Variants in IRAK2 observed in about 807,000 individuals in gnomAD.
The protein encoded by IRAK2 is interleukin 1 receptor associated kinase 2, also known as interleukin-1 receptor-associated kinase-like 2.
A neutral mutation model predicts 72.0 loss-of-function variants in IRAK2; 57 were observed. The ratio of observed to expected loss-of-function variants is 0.79; its 90% CI spans 0.64 to 0.99. The LOEUF (loss-of-function observed/expected upper bound fraction) is 0.99, where lower values mean the gene tolerates loss of function less well. IRAK2 is among the 50% of genes least tolerant of loss of function. The pLI is 0.00. For missense variants in IRAK2, 790 were observed against 794.4 expected (o/e 0.99, Z 0.07); for synonymous variants, 293 against 312.7 (o/e 0.94, Z 0.67).
chr3:10,225,199 G>A (rs979089091), intron 9 of IRAK2, among the ~76,000 whole-genome samples: 1 of 152,114 alleles, frequency 6.6e-6, no homozygotes, highest in Non-Finnish European at 1.5e-5. Flanking sequence ...CTATAAATGT[G>A]ACCCTATTCT....
intron 6 of IRAK2, among the ~76,000 whole-genome samples, chr3:10,214,978 C>T (rs534179342): frequency 1.1e-4 from 17 of 152,072 alleles, no homozygotes; most frequent in African/African-American, 3.4e-4. Context: ...CCTGCAGTCC[C>T]AGCTACTCAG....
At position 10,213,249 on chromosome 3, in the gene IRAK2, T is replaced by G. The variant is rs1322439618; in HGVS notation, c.571T>G (p.Leu191Val). ...SIPKQEKLLS[L>V]AGDSLFWSEA... The stretch of plus-strand genomic sequence containing the variant: ...TCCTAAGCAGGAAAAACTTTTGAGC[T>G]TGGCTGGAGACAGCCTTTTCTGGAG... Residue 191 changes from leucine (L) to valine (V), a missense_variant, in exon 5 of 13, where the codon TTG becomes GTG. Transcript: ENST00000256458. 1 of 1,614,166 alleles carries G rather than the reference T, an allele frequency of 6.2e-7. No individual in the cohort carries two copies. The highest frequency in any genetic ancestry group is 1.7e-5 in the Admixed American group (1 of 60,012).
intron 9 of IRAK2, among the ~76,000 whole-genome samples, chr3:10,224,916 G>GT (rs1318902689): frequency 6.6e-6 from 1 of 150,686 alleles, no homozygotes; most frequent in African/African-American, 2.4e-5. Flanking sequence ...ATTGCTCAGT[G>GT]TTTTTTGGTG....
At chr3:10,235,941 G>A (rs1697950663) in intron 11 of IRAK2, among the ~76,000 whole-genome samples, 2 of 152,240 alleles carry the variant, frequency 1.3e-5, no homozygotes, top group South Asian at 2.1e-4. Flanking sequence ...CATGTGCCCC[G>A]ATGTTCAGTC....
intron 2 of IRAK2, among the ~76,000 whole-genome samples, chr3:10,187,490 A>C (rs1697095439): frequency 6.6e-6 from 1 of 152,224 alleles, no homozygotes; most frequent in Non-Finnish European, 1.5e-5. Flanking sequence ...GGGCATCTGC[A>C]GTAGCAGATC....
intron 8 of IRAK2, among the ~76,000 whole-genome samples, chr3:10,221,995 C>A (rs1328049470): frequency 2.0e-5 from 3 of 152,082 alleles, no homozygotes; most frequent in African/African-American, 7.2e-5. Context: ...TCAAGCAATT[C>A]TCCTGCCTCA....
rs565683337 is a variant in IRAK2 at position 10,200,240 on chromosome 3, G to T, written c.278-129G>T. 3 of 779,644 alleles carry T rather than the reference G, an allele frequency of 3.8e-6. No homozygotes were observed. In the East Asian group the frequency reaches 7.9e-5, roughly 21 times the overall value. 48.3% of individuals were successfully genotyped at this position (779,644 alleles called of 1,614,324 possible). A position where few individuals can be genotyped will look rare whatever the true frequency, so the allele number is the denominator to read the frequency against. On this transcript the variant is annotated intron_variant, in intron 2 of 12. Transcript: ENST00000256458. ...GGGCCAGAAAGGGAAAGACCCTCCC[G>T]CCCTGCAACACCATGCATTTGTGGC... is the stretch of plus-strand genomic sequence containing the variant.
intron 2 of IRAK2, among the ~76,000 whole-genome samples, chr3:10,178,459 AG>A (rs1381869733): frequency 8.6e-5 from 13 of 151,566 alleles, no homozygotes; most frequent in Admixed American, 3.9e-4. Context: ...TGTCTCCAAA[AG>A]AAAAAAAAAA....
chr3:10,213,102 G>A, intron 4 of IRAK2, 105 bp from the exon 5 acceptor site: 1 of 947,876 alleles, frequency 1.1e-6, no homozygotes, highest in South Asian at 1.6e-5. Flanking sequence ...CATTGGATAA[G>A]TTGATCCCCT....
At chr3:10,213,917 T>G (rs1023681690) in intron 6 of IRAK2, among the ~76,000 whole-genome samples, 1 of 152,070 alleles carries the variant, frequency 6.6e-6, no homozygotes, top group African/African-American at 2.4e-5. Context: ...CTCCTTTTTT[T>G]TTTTCTTTTC....
chr3:10,236,394 C>G (rs1166718216), intron 11 of IRAK2, among the ~76,000 whole-genome samples: 1 of 138,062 alleles, frequency 7.2e-6, no homozygotes, highest in African/African-American at 2.7e-5. Context: ...TTCACCCAGG[C>G]TACAGTGTAG....
At chr3:10,222,520 G>C in intron 8 of IRAK2, 116 bp from the exon 9 acceptor site, 1 of 802,214 alleles carries the variant, frequency 1.2e-6, no homozygotes, top group Non-Finnish European at 2.1e-6. Context: ...AGGGTCTTTA[G>C]AGACCTCAAC....
intron 2 of IRAK2, among the ~76,000 whole-genome samples, chr3:10,199,834 A>G (rs1697327055): frequency 6.6e-6 from 1 of 150,720 alleles, no homozygotes; most frequent in East Asian, 1.9e-4. Flanking sequence ...TATGTGACTT[A>G]GCACGTCAGA....
At chr3:10,221,316 C>T (rs1417948446) in intron 8 of IRAK2, among the ~76,000 whole-genome samples, 2 of 139,084 alleles carry the variant, frequency 1.4e-5, no homozygotes, top group African/African-American at 5.5e-5. Flanking sequence ...TGCAGTGGCA[C>T]AATCTCTGTT....
chr3:10,223,446 G>A (rs1697726503), intron 9 of IRAK2, among the ~76,000 whole-genome samples: 1 of 152,138 alleles, frequency 6.6e-6, no homozygotes, highest in Non-Finnish European at 1.5e-5. Flanking sequence ...TGGTCTGCAT[G>A]TAGCAGTCTC....
chr3:10,232,556 G>A (rs1335550419), intron 10 of IRAK2, among the ~76,000 whole-genome samples: 1 of 152,066 alleles, frequency 6.6e-6, no homozygotes, highest in African/African-American at 2.4e-5. Flanking sequence ...TCCTTTCATC[G>A]CGTGTTCTCA....
At chr3:10,181,183 C>G (rs1008789990) in intron 2 of IRAK2, among the ~76,000 whole-genome samples, 1 of 152,180 alleles carries the variant, frequency 6.6e-6, no homozygotes, top group African/African-American at 2.4e-5. Flanking sequence ...GCCCAGGCCA[C>G]AGCCTCCCCA....
rs1432699807 is a variant in IRAK2, at chr3:10,178,148, TTACCA to T, written c.277+130_277+134del. On this transcript the variant is annotated intron_variant, in intron 2 of 12. Coordinates refer to ENST00000256458, the MANE Select transcript of IRAK2 (RefSeq NM_001570.4). ...TAATTAAAAAATTTAATGAGTGAGT[TTACCA>T]TGCACATAAGAAACTGGTAACAGGC... 5 of 779,708 alleles carry T rather than the reference TTACCA, an allele frequency of 6.4e-6. No individual in the cohort carries two copies. The East Asian group carries it at 1.4e-4, about 21-fold the overall frequency. The allele number at this position is 779,708 out of a possible 1,614,324, so 48.3% of individuals were successfully genotyped here.
At position 10,195,620 on chromosome 3, in the gene IRAK2, T is replaced by C. The variant is rs546306030; in HGVS notation, c.278-4749T>C. Reference sequence around the variant, plus strand: ...AGTATCACCCTCATCCCCGTTTTACTGTGATGAGAACAATGAGGCTCAGCC... The same window carrying C: ...AGTATCACCCTCATCCCCGTTTTACCGTGATGAGAACAATGAGGCTCAGCC... On this transcript the variant is annotated intron_variant, in intron 2 of 12. Transcript: ENST00000256458. 2.8e-4 allele frequency among the ~76,000 whole-genome samples: 43 copies of C among 151,730 alleles called. 1 individual carries two copies. The highest frequency in any genetic ancestry group is 3.5e-3 in the Middle Eastern group (1 of 288).
Sources: allele counts gnomAD v4.1 joint callset (sites outside exome capture counted in the v4.1 genomes callset), GRCh38; gene constraint gnomAD v4.1.1; transcripts MANE v1.5; gene names NCBI Gene and HGNC (gene_info 2026-07-23, HGNC 2026-07-21).